TLX3: variants seen among roughly 807,000 people sequenced by gnomAD.
TLX3 encodes the protein T-cell leukemia homeobox protein 3.
A neutral mutation model predicts 19.6 loss-of-function variants in TLX3; 11 were observed. The ratio of observed to expected loss-of-function variants is 0.56; its 90% CI spans 0.35 to 0.93. The LOEUF (loss-of-function observed/expected upper bound fraction) is 0.93, where lower values mean the gene tolerates loss of function less well. Ranked by LOEUF, TLX3 falls within the 40% of genes least tolerant of loss-of-function variation. The pLI, the probability that TLX3 is intolerant of heterozygous loss-of-function variation, is 0.01. For synonymous variants in TLX3, 221 were observed against 188.1 expected (o/e 1.17, Z -1.43); for missense variants, 375 against 418.6 (o/e 0.90, Z 0.91).
chr5:171,310,122 C>T (rs1050054015), intron 1 of TLX3, 28 bp from the exon 2 acceptor site: 37 of 1,544,168 alleles, frequency 2.4e-5, no homozygotes, highest in Non-Finnish European at 3.1e-5. Context: ...CCGGGCTGGG[C>T]TTCAGGGGCC....
At position 171,310,152 on chromosome 5, in the gene TLX3, G is replaced by A. The variant is rs756233258; in HGVS notation, c.424G>A (p.Ala142Thr). Reference sequence around the variant, plus strand: ...GGGGCCCTCCTGTGTCTCCGCAGCGGCGGCCGCACTCACGCCCTTCACCGT... The same window carrying A: ...GGGGCCCTCCTGTGTCTCCGCAGCGACGGCCGCACTCACGCCCTTCACCGT... ...RRFVKDRFTA[A>T]AALTPFTVTR... The change falls in exon 2 of 3, where the codon GCG becomes ACG. Residue 142 changes from alanine to threonine, a missense_variant and splice_region_variant. Ala to Thr is a moderately conservative substitution (Grantham distance 58, BLOSUM62 0). Coordinates refer to ENST00000296921, the MANE Select transcript of TLX3 (RefSeq NM_021025.4). 455 of 1,549,488 alleles carry A rather than the reference G, an allele frequency of 2.9e-4. No homozygotes were observed. Among genetic ancestry groups the A allele is most frequent in the Admixed American group, 4.1e-4 (21 of 51,024 alleles).
At position 171,309,405 on chromosome 5, in the gene TLX3, G is replaced by C. The variant is rs750076693; in HGVS notation, c.40G>C (p.Glu14Gln). Residue 14 changes from glutamate (E) to glutamine (Q), a missense_variant, in exon 1 of 3, where the codon GAG becomes CAG. By Grantham distance (29) the Glu-to-Gln change is conservative. Coordinates refer to ENST00000296921, the MANE Select transcript of TLX3 (RefSeq NM_021025.4). ...PASAQTPHPHEPISFGIDQIL... is the reference protein window; with the variant it reads ...PASAQTPHPHQPISFGIDQIL... Reference sequence around the variant, plus strand: ...CAGCGCGCAGACCCCGCACCCGCACGAGCCCATCAGCTTCGGCATCGACCA... The same window carrying C: ...CAGCGCGCAGACCCCGCACCCGCACCAGCCCATCAGCTTCGGCATCGACCA... The C allele has an allele frequency of 2.2e-6, 3 of 1,355,318 alleles. No individual in the cohort carries two copies. The highest frequency in any genetic ancestry group is 2.9e-6 in the Non-Finnish European group (3 of 1,019,326). The allele number at this position is 1,355,318 out of a possible 1,614,324, so 84.0% of individuals were successfully genotyped here.
At chr5:171,310,786 C>T (rs375994518) in intron 2 of TLX3, among the ~76,000 whole-genome samples, 9 of 150,018 alleles carry the variant, frequency 6.0e-5, no homozygotes, top group Non-Finnish European at 1.2e-4. Context: ...CACTCTCCTT[C>T]TCCTCCTTCT....
chr5:171,309,693 G>T lies in TLX3; in HGVS notation c.328G>T (p.Ala110Ser), dbSNP rs781568898. The change falls in exon 1 of 3, where the codon GCC (alanine) becomes TCC (serine). Residue 110 changes from alanine (A) to serine (S), a missense_variant. Around this residue, in one of 3 missense-constraint regions of TLX3, gnomAD observed 239 missense variants for 217.0 expected, o/e 1.10. Coordinates refer to ENST00000296921, the MANE Select transcript of TLX3 (RefSeq NM_021025.4). ...VPPPLPSALP[A>S]MPSVPTVSSL... ...ACCGCCTCTGCCAAGCGCGCTACCCGCCATGCCCTCCGTGCCCACGGTCTC... is the reference window on the plus strand; with the variant it reads ...ACCGCCTCTGCCAAGCGCGCTACCCTCCATGCCCTCCGTGCCCACGGTCTC... 2.5e-6 allele frequency: 4 copies of T among 1,610,870 alleles called. No homozygotes were observed. Among genetic ancestry groups the T allele is most frequent in the Non-Finnish European group, 3.4e-6 (4 of 1,179,234 alleles).
At position 171,311,488 on chromosome 5, in the gene TLX3, C is replaced by T. The variant is rs1370746848; in HGVS notation, c.765C>T (p.Ser255=). 1.4e-5 allele frequency: 23 copies of T among 1,612,298 alleles called. No homozygotes were observed. Among genetic ancestry groups the T allele is most frequent in the Non-Finnish European group, 1.9e-5 (22 of 1,179,298 alleles). Residue 255 remains serine (S), a synonymous_variant, in exon 3 of 3, where the codon TCC becomes TCT. Transcript: ENST00000296921. This position sits in a 1 kb window ranked among gnomAD's most constrained non-coding sequence, Gnocchi z 5.1. ...HDAFQKSLND[S]IQPDPLCLHN... ...CCTTCCAAAAGAGCCTCAACGACTC[C>T]ATCCAGCCTGACCCGCTCTGTCTGC...
chr5:171,310,151 G>T lies in TLX3; in HGVS notation c.423G>T (p.Ala141=). The change falls in exon 2 of 3, where the codon GCG becomes GCT. Residue 141 remains alanine, a splice_region_variant and synonymous_variant. Coordinates refer to ENST00000296921, the MANE Select transcript of TLX3 (RefSeq NM_021025.4). ...AGGGGCCCTCCTGTGTCTCCGCAGC[G>T]GCGGCCGCACTCACGCCCTTCACCG... ...SRRFVKDRFT[A]AAALTPFTVT... The T allele has an allele frequency of 1.3e-6, 2 of 1,549,412 alleles. No individual in the cohort carries two copies. Among genetic ancestry groups the T allele is most frequent in the Non-Finnish European group, 1.7e-6 (2 of 1,146,710 alleles).
chr5:171,309,897 A>G, intron 1 of TLX3, 111 bp downstream of exon 1: 1 of 1,388,814 alleles, frequency 7.2e-7, no homozygotes. Flanking sequence ...AGCGCGGCGG[A>G]GGCCTCGGCC....
chr5:171,309,382 G>A lies in TLX3; in HGVS notation c.17G>A (p.Ser6Asn). The A allele has an allele frequency of 7.5e-7, 1 of 1,331,762 alleles. No homozygotes were observed. Among genetic ancestry groups the A allele is most frequent in the Non-Finnish European group, 1.0e-6 (1 of 1,003,186 alleles). 82.5% of individuals were successfully genotyped at this position (1,331,762 alleles called of 1,614,324 possible). Residue 6 changes from serine (S) to asparagine (N), a missense_variant, in exon 1 of 3, where the codon AGC becomes AAC. Transcript: ENST00000296921. MEAPA[S>N]AQTPHPHEPI... Reference sequence around the variant, plus strand: ...CCGCCCAGGATGGAGGCGCCCGCCAGCGCGCAGACCCCGCACCCGCACGAG... The same window carrying A: ...CCGCCCAGGATGGAGGCGCCCGCCAACGCGCAGACCCCGCACCCGCACGAG...
At chr5:171,310,077 C>T in intron 1 of TLX3, 73 bp from the exon 2 acceptor site, 1 of 1,482,270 alleles carries the variant, frequency 6.7e-7, no homozygotes, top group East Asian at 2.5e-5. Context: ...CACGGGGCGC[C>T]ACGGGGTCCG....
chr5:171,309,350 C>T lies in TLX3; in HGVS notation c.-16C>T. 1 of 1,550,740 alleles carries T rather than the reference C, an allele frequency of 6.4e-7. No individual in the cohort carries two copies. Among genetic ancestry groups the T allele is most frequent in the South Asian group, 1.2e-5 (1 of 86,028 alleles). On this transcript the variant is annotated 5_prime_UTR_variant, in exon 1 of 3. Coordinates refer to ENST00000296921, the MANE Select transcript of TLX3 (RefSeq NM_021025.4). ...CCTCCCCGCCCAGCCCAGCCCAGCC[C>T]TTCCGCCCGCCCAGGATGGAGGCGC...
Position 171,309,497 on chromosome 5 carries a change from G to A in TLX3, c.132G>A (p.Leu44=), listed in dbSNP as rs1769179551. 1.3e-6 allele frequency: 2 copies of A among 1,580,500 alleles called. No homozygotes were observed. Among genetic ancestry groups the A allele is most frequent in the East Asian group, 4.7e-5 (2 of 42,768 alleles). Residue 44 remains leucine (L), a synonymous_variant, in exon 1 of 3, where the codon CTG becomes CTA. Coordinates refer to ENST00000296921, the MANE Select transcript of TLX3 (RefSeq NM_021025.4). ...APRGPDGASY[L]GGPPGGRPGA... ...GGGGCCCCGACGGCGCCAGCTACCT[G>A]GGAGGGCCCCCCGGGGGCCGTCCGG...
Position 171,311,473 on chromosome 5 carries a change from G to A in TLX3, c.750G>A (p.Lys250=). Residue 250 remains lysine (K), a synonymous_variant, in exon 3 of 3, where the codon AAG becomes AAA. Coordinates refer to ENST00000296921, the MANE Select transcript of TLX3 (RefSeq NM_021025.4). This position sits in a 1 kb window ranked among gnomAD's most constrained non-coding sequence, Gnocchi z 5.1. ...AGCTGCAACACGACGCCTTCCAAAA[G>A]AGCCTCAACGACTCCATCCAGCCTG... ...MLQLQHDAFQ[K]SLNDSIQPDP... is the part of the protein sequence containing the mutation. The A allele has an allele frequency of 1.9e-6, 3 of 1,608,014 alleles. No homozygotes were observed. The highest frequency in any genetic ancestry group is 1.3e-5 in the African/African-American group (1 of 74,934).
rs145807029 is a variant in TLX3, at chr5:171,311,593, G to A, written c.870G>A (p.Leu290=). ...DSSKVPAVTS[L]V Reference sequence around the variant, plus strand: ...CCAAGGTTCCCGCTGTCACCTCCCTGGTGTGAGCCCACCAGCGCGCACCGT... The same window carrying A: ...CCAAGGTTCCCGCTGTCACCTCCCTAGTGTGAGCCCACCAGCGCGCACCGT... The change falls in exon 3 of 3, where the codon CTG becomes CTA. Residue 290 remains leucine, a synonymous_variant. Transcript: ENST00000296921. This position sits in a 1 kb window ranked among gnomAD's most constrained non-coding sequence, Gnocchi z 5.1. 4.4e-6 allele frequency: 7 copies of A among 1,608,216 alleles called. No homozygotes were observed. The highest frequency in any genetic ancestry group is 5.1e-6 in the Non-Finnish European group (6 of 1,177,602).
chr5:171,309,753 A>G lies in TLX3; in HGVS notation c.388A>G (p.Ser130Gly). 6.2e-7 allele frequency: 1 copy of G among 1,607,566 alleles called. No individual in the cohort carries two copies. The highest frequency in any genetic ancestry group is 8.5e-7 in the Non-Finnish European group (1 of 1,177,362). ...CGGTCTCAATTTCCCCTGGATGGAG[A>G]GCAGCCGCCGCTTCGTGAAAGACCG... ...LGGLNFPWME[S>G]SRRFVKDRFT... Residue 130 changes from serine (S) to glycine (G), a missense_variant, in exon 1 of 3, where the codon AGC becomes GGC. Coordinates refer to ENST00000296921, the MANE Select transcript of TLX3 (RefSeq NM_021025.4).
rs1201068152 is a variant in TLX3 at position 171,311,620 on chromosome 5, G to A, written c.*21G>A. ...TGTGAGCCCACCAGCGCGCACCGTC[G>A]CCACGGATCGCCGCCCCCACCCAGC... On this transcript the variant is annotated 3_prime_UTR_variant, in exon 3 of 3. Coordinates refer to ENST00000296921, the MANE Select transcript of TLX3 (RefSeq NM_021025.4). This position sits in a 1 kb window ranked among gnomAD's most constrained non-coding sequence, Gnocchi z 5.1. The A allele has an allele frequency of 2.5e-6, 4 of 1,570,566 alleles. No individual in the cohort carries two copies. The highest frequency in any genetic ancestry group is 2.6e-6 in the Non-Finnish European group (3 of 1,153,750).
At position 171,309,467 on chromosome 5, in the gene TLX3, C is replaced by T. The variant is rs1769178751; in HGVS notation, c.102C>T (p.Ala34=). ...LNSPDQDSAP[A]PRGPDGASYL... is the part of the protein sequence containing the mutation. Reference sequence around the variant, plus strand: ...GCCCGGACCAGGACAGCGCACCCGCCCCGCGGGGCCCCGACGGCGCCAGCT... The same window carrying T: ...GCCCGGACCAGGACAGCGCACCCGCTCCGCGGGGCCCCGACGGCGCCAGCT... The change falls in exon 1 of 3, where the codon GCC becomes GCT. Residue 34 remains alanine (A), a synonymous_variant. Transcript: ENST00000296921. The T allele has an allele frequency of 6.3e-7, 1 of 1,595,744 alleles. No individual in the cohort carries two copies. The highest frequency in any genetic ancestry group is 8.5e-7 in the Non-Finnish European group (1 of 1,172,468).
At chr5:171,310,420 T>G (rs1162832006) in intron 2 of TLX3, 27 bp downstream of exon 2, 1 of 1,607,576 alleles carries the variant, frequency 6.2e-7, no homozygotes, top group African/African-American at 1.3e-5. Context: ...CCGGCCCACC[T>G]TACACCTGCC....
At position 171,309,545 on chromosome 5, in the gene TLX3, C is replaced by A. The variant is rs766831370; in HGVS notation, c.180C>A (p.Pro60=). ...GRPGATYPSL[P]ASFAGLGAPF... is the part of the protein sequence containing the mutation. ...CGGGCGCCACATACCCGTCTCTGCC[C>A]GCCTCCTTTGCGGGCCTCGGCGCGC... is the stretch of plus-strand genomic sequence containing the variant. The change falls in exon 1 of 3, where the codon CCC becomes CCA. Residue 60 remains proline (P), a synonymous_variant. Transcript: ENST00000296921. 1.9e-6 allele frequency: 3 copies of A among 1,576,058 alleles called. No individual in the cohort carries two copies. Among genetic ancestry groups the A allele is most frequent in the East Asian group, 4.7e-5 (2 of 42,814 alleles).
intron 1 of TLX3, among the ~76,000 whole-genome samples, 164 bp from the exon 2 acceptor site, chr5:171,309,985 CA>C (rs1479340319): frequency 6.6e-6 from 1 of 152,268 alleles, no homozygotes; most frequent in Non-Finnish European, 1.5e-5. Flanking sequence ...GGGGAAGGGA[CA>C]GGGGGCGAGG....
Sources: gnomAD v4.1 joint callset for allele counts (sites outside exome capture counted in the v4.1 genomes callset) on GRCh38, gnomAD v4.1.1 for gene constraint, gnomAD v4.1.1 regional missense constraint, Gnocchi (gnomAD v3.1) non-coding constraint, MANE v1.5 for transcripts, NCBI Gene and HGNC (gene_info 2026-07-23, HGNC 2026-07-21) for gene names.